Variants in RBFOX1 observed in about 807,000 individuals in gnomAD.
RBFOX1 encodes RNA binding protein fox-1 homolog 1.
In RBFOX1, 8 loss-of-function variants were observed where a neutral mutation model predicts 57.7. The ratio of observed to expected loss-of-function variants is 0.14; its 90% confidence interval spans 0.08 to 0.25. The LOEUF (loss-of-function observed/expected upper bound fraction) is 0.25. Ranked by LOEUF, RBFOX1 falls within the 10% of genes least tolerant of loss-of-function variation. RBFOX1 has a pLI of 1.00. For synonymous variants in RBFOX1, 326 were observed against 222.4 expected, an observed-to-expected ratio of 1.47 and a Z score of -4.15; for missense variants, 611 against 548.5, an observed-to-expected ratio of 1.11 and a Z score of -1.14.
At chr16:7,308,316 G>A (rs1603617645) in intron 4 of RBFOX1, among the ~76,000 whole-genome samples, 1 of 113,018 alleles carries the variant, frequency 8.8e-6, no homozygotes, top group Admixed American at 9.3e-5. Flanking sequence ...TTTTTCCACT[G>A]AGTTTAATGT....
At chr16:6,659,685 G>A (rs1468345181) in intron 3 of RBFOX1, among the ~76,000 whole-genome samples, 1 of 152,062 alleles carries the variant, frequency 6.6e-6, no homozygotes, top group Non-Finnish European at 1.5e-5. Context: ...TCAATATGGG[G>A]CAGGCTTTCA....
At chr16:6,961,287 G>T (rs1386444869) in intron 3 of RBFOX1, among the ~76,000 whole-genome samples, 1 of 152,246 alleles carries the variant, frequency 6.6e-6, no homozygotes, top group African/African-American at 2.4e-5. Flanking sequence ...GAGGAGAGGA[G>T]AGCTAAGCAA....
At chr16:7,268,842 G>A (rs2095244286) in intron 4 of RBFOX1, among the ~76,000 whole-genome samples, 1 of 151,774 alleles carries the variant, frequency 6.6e-6, no homozygotes, top group Non-Finnish European at 1.5e-5. Flanking sequence ...TTCGATACCA[G>A]TTTCACCAAC....
rs531547071 is a variant in RBFOX1, at chr16:6,673,672, A to G, written c.-16+19022A>G. On this transcript the variant is annotated intron_variant, in intron 3 of 15. Coordinates refer to ENST00000550418, the MANE Select transcript of RBFOX1 (RefSeq NM_018723.4). ...TGGGGCTGACTTGCCGGGGTGGAGG[A>G]CCAGCTTCATGATGGGTTCTGTGAC... Among the ~76,000 whole-genome samples the G allele has an allele frequency of 7.1e-4, 108 of 152,258 alleles. 1 individual carries two copies. The highest frequency in any genetic ancestry group is 8.8e-5 in the Non-Finnish European group (6 of 68,012).
In RBFOX1 at chr16:5,381,274, C is replaced by T. The variant is rs897796956; in HGVS notation, c.220-85942C>T. Reference sequence around the variant, plus strand: ...CATCATCACATCCATGCATATTATGCCGAGTCTGAATTTTATCCTAGCAAA... The same window carrying T: ...CATCATCACATCCATGCATATTATGTCGAGTCTGAATTTTATCCTAGCAAA... On this transcript the variant is annotated intron_variant, in intron 1 of 2. Coordinates refer to the RBFOX1 transcript ENST00000585867. 5.3e-5 allele frequency among the ~76,000 whole-genome samples: 8 copies of T among 152,296 alleles called. 1 individual carries two copies. The South Asian group carries it at 1.4e-3, about 28-fold the overall frequency.
At chr16:6,498,414 A>G (rs1423030836) in intron 2 of RBFOX1, among the ~76,000 whole-genome samples, 1 of 152,182 alleles carries the variant, frequency 6.6e-6, no homozygotes, top group East Asian at 1.9e-4. Flanking sequence ...TAATCAGGCT[A>G]TCTGAAAGAG....
intron 4 of RBFOX1, among the ~76,000 whole-genome samples, chr16:7,318,190 T>C (rs1194573993): frequency 6.6e-6 from 1 of 151,740 alleles, no homozygotes; most frequent in Non-Finnish European, 1.5e-5. Flanking sequence ...ATGGTGATAG[T>C]GATGGTGTTG....
At chr16:5,633,202 G>T (rs1017333266) in intron 3 of RBFOX1, among the ~76,000 whole-genome samples, 1 of 152,056 alleles carries the variant, frequency 6.6e-6, no homozygotes, top group Non-Finnish European at 1.5e-5. Flanking sequence ...CTCCCAAAGT[G>T]CTGGGATTAC....
intron 4 of RBFOX1, among the ~76,000 whole-genome samples, chr16:7,388,221 C>G (rs534139188): frequency 6.6e-6 from 1 of 152,114 alleles, no homozygotes; most frequent in African/African-American, 2.4e-5. Context: ...TCTACAGACA[C>G]ACAAGGTTGG....
At chr16:6,902,233 A>G (rs1446870801) in intron 3 of RBFOX1, among the ~76,000 whole-genome samples, 1 of 152,146 alleles carries the variant, frequency 6.6e-6, no homozygotes, top group Non-Finnish European at 1.5e-5. Context: ...GTGGAATTAC[A>G]TGTAACTCAC....
chr16:6,091,269 C>T (rs2096169095), intron 1 of RBFOX1, among the ~76,000 whole-genome samples: 1 of 152,144 alleles, frequency 6.6e-6, no homozygotes, highest in African/African-American at 2.4e-5. Flanking sequence ...ATCTATGATA[C>T]CCACTTATGA....
chr16:5,778,599 T>G lies in RBFOX1; in HGVS notation c.319-88704T>G, dbSNP rs577321589. The stretch of plus-strand genomic sequence containing the variant: ...GTGGCCTTGCATGGCGTGCTGTGTC[T>G]GCCTCTCCCCTGTACCAAGTAGGTT... On this transcript the variant is annotated intron_variant, in intron 3 of 19. Transcript: ENST00000641259. 2.0e-5 allele frequency among the ~76,000 whole-genome samples: 3 copies of G among 152,312 alleles called. No individual in the cohort carries two copies. In the South Asian group the frequency reaches 6.2e-4, roughly 32 times the overall value.
At chr16:5,262,807 C>G (rs773141573) in intron 1 of RBFOX1, among the ~76,000 whole-genome samples, 1 of 152,112 alleles carries the variant, frequency 6.6e-6, no homozygotes, top group Non-Finnish European at 1.5e-5. Context: ...ATGGAGAATC[C>G]TTGAAAATAT....
intron 7 of RBFOX1, among the ~76,000 whole-genome samples, chr16:7,592,961 A>G (rs897536322): frequency 2.0e-5 from 3 of 149,964 alleles, no homozygotes; most frequent in Non-Finnish European, 4.4e-5. Context: ...GACAATAGGT[A>G]CAGGCTGTCA....
chr16:6,700,257 C>G (rs1003237684), intron 3 of RBFOX1, among the ~76,000 whole-genome samples: 1 of 151,938 alleles, frequency 6.6e-6, no homozygotes, highest in African/African-American at 2.4e-5. Context: ...GGCTTCCTCT[C>G]AATAGCTGAA....
chr16:7,396,277 G>A lies in RBFOX1; in HGVS notation c.28-121870G>A, dbSNP rs193277023. Among the ~76,000 whole-genome samples the A allele has an allele frequency of 4.6e-5, 7 of 152,272 alleles. 1 individual carries two copies. The South Asian group carries it at 1.2e-3, about 27-fold the overall frequency. On this transcript the variant is annotated intron_variant, in intron 4 of 15. Transcript: ENST00000550418. ...ACACCGGCTGCTCCTTCTTGCCTTT[G>A]GACAGAAGATGACACTCACAAACTG...
chr16:6,978,160 A>G lies in RBFOX1; in HGVS notation c.-15-73897A>G, dbSNP rs377729487. Among the ~76,000 whole-genome samples, 33 of 151,952 alleles carry G rather than the reference A, an allele frequency of 2.2e-4. No individual in the cohort carries two copies. In the East Asian group the frequency reaches 5.7e-3, roughly 26 times the overall value. ...GGCATGATGCCCTGGGCCCCATGGC[A>G]TACGGCAGTGGAGGTAATTAGCCAG... On this transcript the variant is annotated intron_variant, in intron 3 of 15. Transcript: ENST00000550418.
chr16:6,733,820 G>A (rs74006741), intron 3 of RBFOX1, among the ~76,000 whole-genome samples: 79 of 152,298 alleles, frequency 5.2e-4, no homozygotes, highest in African/African-American at 1.7e-3. Context: ...TCTGTGACTT[G>A]CTGCTGGAAA....
At chr16:5,417,569 G>A (rs1011339291) in intron 1 of RBFOX1, among the ~76,000 whole-genome samples, 2 of 152,166 alleles carry the variant, frequency 1.3e-5, no homozygotes, top group Non-Finnish European at 2.9e-5. Context: ...CTTAAGAGAA[G>A]GAAAACAACC....
Sources: gnomAD v4.1 joint callset for allele counts (sites outside exome capture counted in the v4.1 genomes callset) on GRCh38, gnomAD v4.1.1 for gene constraint, MANE v1.5 for transcripts, NCBI Gene and HGNC (gene_info 2026-07-23, HGNC 2026-07-21) for gene names.